The following EPHA6 variants were observed in gnomAD, a reference collection of about 807,000 sequenced individuals.
EPHA6 encodes the protein EPH receptor A6, also known as ephrin type-A receptor 6.
EPHA6 carries 50 observed loss-of-function variants against 112.0 expected under a neutral mutation model. The ratio of observed to expected loss-of-function variants is 0.45; its 90% CI spans 0.36 to 0.56. EPHA6 has a LOEUF of 0.56. Ranked by LOEUF, EPHA6 falls within the 20% of genes least tolerant of loss-of-function variation. The probability of loss-of-function intolerance (pLI) is 0.00; values close to 1 mark genes in which losing one functional copy is unlikely to be tolerated. For synonymous variants in EPHA6, 529 were observed against 490.7 expected (o/e 1.08, Z -1.03); for missense variants, 1,280 against 1,417.4 (o/e 0.90, Z 1.56).
chr3:97,514,157 G>A (rs979202929), intron 10 of EPHA6, among the ~76,000 whole-genome samples: 7 of 152,086 alleles, frequency 4.6e-5, no homozygotes, highest in African/African-American at 1.7e-4. Flanking sequence ...TAAAATCAGG[G>A]TGTTGGCAGA....
intron 11 of EPHA6, among the ~76,000 whole-genome samples, chr3:97,585,885 A>C (rs578071728): frequency 6.6e-6 from 1 of 152,370 alleles, no homozygotes; most frequent in South Asian, 2.1e-4. Flanking sequence ...AGGTTAAAAA[A>C]TAGATGTGGC....
chr3:97,720,949 A>G (rs563488653), intron 15 of EPHA6, among the ~76,000 whole-genome samples: 1 of 152,298 alleles, frequency 6.6e-6, no homozygotes, highest in African/African-American at 2.4e-5. Context: ...ATACTATAAT[A>G]TTATAGAACA....
Position 97,592,717 on chromosome 3 carries a change from TG to T in EPHA6, c.2493del (p.Leu831PhefsTer11). 1 of 1,601,142 alleles carries T rather than the reference TG, an allele frequency of 6.2e-7. No individual in the cohort carries two copies. Among genetic ancestry groups the T allele is most frequent in the South Asian group, 1.1e-5 (1 of 88,602 alleles). On this transcript the variant is annotated frameshift_variant, in exon 12 of 18. Transcript: ENST00000389672. LOFTEE classifies it high-confidence loss of function. ...APHPVPGGGS[L>X]PPRIPAGRPV... is the part of the protein sequence containing the mutation. Reference sequence around the variant, plus strand: ...CATCCAGTGCCAGGGGGAGGATCTTTGCCCCCCAGGATTCCTGCTGGTAGGT... The same window carrying T: ...CATCCAGTGCCAGGGGGAGGATCTTTCCCCCCAGGATTCCTGCTGGTAGGT...
chr3:97,007,753 T>C (rs1203316734), intron 3 of EPHA6, among the ~76,000 whole-genome samples: 1 of 152,216 alleles, frequency 6.6e-6, no homozygotes, highest in African/African-American at 2.4e-5. Context: ...GTTTTTCCTT[T>C]CCATATTTAG....
chr3:97,168,143 A>G (rs574516886), intron 3 of EPHA6, among the ~76,000 whole-genome samples: 2 of 152,300 alleles, frequency 1.3e-5, no homozygotes, highest in East Asian at 3.9e-4. Context: ...TTTTGCTGAC[A>G]TAATGGAAAA....
At chr3:97,704,318 T>G (rs1029405516) in intron 14 of EPHA6, among the ~76,000 whole-genome samples, 4 of 152,134 alleles carry the variant, frequency 2.6e-5, no homozygotes, top group African/African-American at 9.7e-5. Flanking sequence ...GGGTGATGGG[T>G]GGGTATCACC....
intron 5 of EPHA6, among the ~76,000 whole-genome samples, chr3:97,349,372 A>G (rs1334202286): frequency 2.0e-5 from 3 of 152,040 alleles, no homozygotes; most frequent in Admixed American, 6.6e-5. Flanking sequence ...GACAATTACA[A>G]TCACCCATAT....
chr3:97,008,593 C>T (rs2043969396), intron 3 of EPHA6, among the ~76,000 whole-genome samples: 1 of 152,158 alleles, frequency 6.6e-6, no homozygotes, highest in African/African-American at 2.4e-5. Flanking sequence ...TTACCCATCT[C>T]CTAAAGCCCT....
intron 2 of EPHA6, among the ~76,000 whole-genome samples, chr3:96,870,685 A>G (rs1342536968): frequency 2.0e-5 from 3 of 152,134 alleles, no homozygotes; most frequent in African/African-American, 4.8e-5. Context: ...AGTAAACCTA[A>G]CAACTAATGA....
intron 5 of EPHA6, among the ~76,000 whole-genome samples, chr3:97,381,696 T>G (rs563420916): frequency 1.3e-5 from 2 of 152,150 alleles, no homozygotes; most frequent in African/African-American, 2.4e-5. Context: ...GTTTTGCTAA[T>G]GTGTACATCA....
intron 3 of EPHA6, among the ~76,000 whole-genome samples, chr3:97,131,112 G>T (rs2048325729): frequency 1.3e-5 from 2 of 151,954 alleles, no homozygotes. Flanking sequence ...AAAAGAACTC[G>T]TATTTAGAAA....
intron 3 of EPHA6, among the ~76,000 whole-genome samples, chr3:97,026,638 A>G (rs1285908991): frequency 6.6e-6 from 1 of 152,168 alleles, no homozygotes; most frequent in African/African-American, 2.4e-5. Flanking sequence ...AAGGACATGA[A>G]TAGACACTTT....
chr3:97,393,691 A>G (rs2086545618), intron 5 of EPHA6, among the ~76,000 whole-genome samples: 1 of 151,750 alleles, frequency 6.6e-6, no homozygotes, highest in Admixed American at 6.6e-5. Context: ...AAGAGTGAAC[A>G]AGTAATTTTA....
rs79617067 is a variant in EPHA6 at position 97,747,588 on chromosome 3, T to G, written c.3278+16T>G. 0.23 allele frequency: 371,020 copies of G among 1,586,202 alleles called. 45,717 individuals are homozygous for G. The highest frequency in any genetic ancestry group is 0.41 in the East Asian group (17,761 of 43,316). On this transcript the variant is annotated intron_variant, in intron 17 of 17. Transcript: ENST00000389672. ...TGAGCATTGAGTAAGTGATACTAGG[T>G]TTATTACTGTAACGAGATGTCCTGC... is the stretch of plus-strand genomic sequence containing the variant.
At chr3:97,078,815 G>A (rs1182461561) in intron 3 of EPHA6, among the ~76,000 whole-genome samples, 2 of 152,132 alleles carry the variant, frequency 1.3e-5, no homozygotes, top group African/African-American at 4.8e-5. Context: ...TCTTATGGAT[G>A]AGCAAAGAAA....
At chr3:97,313,458 T>C (rs938256138) in intron 5 of EPHA6, among the ~76,000 whole-genome samples, 1 of 151,534 alleles carries the variant, frequency 6.6e-6, no homozygotes, top group African/African-American at 2.4e-5. Context: ...GGAACCTCCA[T>C]AGTATTTTCT....
chr3:97,704,711 A>AT (rs1559615323), intron 14 of EPHA6, among the ~76,000 whole-genome samples: 1 of 152,064 alleles, frequency 6.6e-6, no homozygotes, highest in African/African-American at 2.4e-5. Flanking sequence ...ATTTTTCTAA[A>AT]TTTTTTTATT....
At chr3:96,935,704 TA>T (rs2040544625) in intron 2 of EPHA6, among the ~76,000 whole-genome samples, 1 of 138,476 alleles carries the variant, frequency 7.2e-6, no homozygotes, top group Non-Finnish European at 1.6e-5. Context: ...TTATGTATAT[TA>T]TATATACATT....
intron 3 of EPHA6, among the ~76,000 whole-genome samples, chr3:97,152,915 C>T (rs930700279): frequency 3.3e-5 from 5 of 152,002 alleles, no homozygotes; most frequent in African/African-American, 1.2e-4. Flanking sequence ...ACATTATCTG[C>T]CTTGTATTTC....
Sources: allele counts gnomAD v4.1 joint callset (sites outside exome capture counted in the v4.1 genomes callset), GRCh38; gene constraint gnomAD v4.1.1; transcripts MANE v1.5; gene names NCBI Gene and HGNC (gene_info 2026-07-23, HGNC 2026-07-21).